The following CFHR4 variants were observed in gnomAD, a reference collection of about 807,000 sequenced individuals.
The protein encoded by CFHR4 is complement factor H related 4.
Under a neutral mutation model 69.3 loss-of-function variants are expected in CFHR4, and 64 were observed. The ratio of observed to expected loss-of-function variants is 0.92; its 90% CI spans 0.76 to 1.14. The LOEUF is 1.14. Among genes scored for constraint, CFHR4 ranks in the 50% most tolerant of loss-of-function variants. The probability of loss-of-function intolerance (pLI) is 0.00; values close to 1 mark genes in which losing one functional copy is unlikely to be tolerated. For synonymous variants in CFHR4, 244 were observed against 237.0 expected (o/e 1.03, Z -0.27); for missense variants, 636 against 684.9 (o/e 0.93, Z 0.80).
Position 196,907,370 on chromosome 1 carries a change from C to G in CFHR4, c.671C>G (p.Ser224Cys), listed in dbSNP as rs749330475. The G allele has an allele frequency of 6.2e-7, 1 of 1,611,974 alleles. No homozygotes were observed. Among genetic ancestry groups the G allele is most frequent in the Admixed American group, 1.7e-5 (1 of 59,858 alleles). The change falls in exon 5 of 10, where the codon TCC becomes TGC. Residue 224 changes from serine to cysteine, a missense_variant. Physicochemically the swap from Ser to Cys is moderately radical, Grantham distance 112. Transcript: ENST00000608469. Reference protein sequence around the residue: ...PPPISNGDTTSFPQKVYLPWS... With the variant: ...PPPISNGDTTCFPQKVYLPWS... ...CCTATTAGCAATGGAGATACCACGT[C>G]CTTCCCGCAAAAAGTGTATCTGCCA... is the stretch of plus-strand genomic sequence containing the variant.
intron 1 of CFHR4, among the ~76,000 whole-genome samples, chr1:196,901,068 A>G (rs113211806): frequency 7.9e-5 from 12 of 151,608 alleles, no homozygotes; most frequent in African/African-American, 2.7e-4. Flanking sequence ...AAGACAAATT[A>G]TTCATCTGAC....
intron 6 of CFHR4, 123 bp downstream of exon 6, chr1:196,910,601 C>CA (rs1415160556): frequency 2.0e-5 from 14 of 711,762 alleles, no homozygotes; most frequent in Admixed American, 1.4e-4. Context: ...GTTGTTCATG[C>CA]AAAAACACCA....
chr1:196,890,574 T>TA (rs1409829889), intron 1 of CFHR4, among the ~76,000 whole-genome samples: 1 of 151,606 alleles, frequency 6.6e-6, no homozygotes, highest in Non-Finnish European at 1.5e-5. Context: ...TAAAATTGTA[T>TA]AAATATTTCA....
chr1:196,898,747 C>T (rs1283780708), intron 1 of CFHR4, among the ~76,000 whole-genome samples: 1 of 151,510 alleles, frequency 6.6e-6, no homozygotes, highest in Non-Finnish European at 1.5e-5. Context: ...GTCAGATGCT[C>T]TCCTGTGTCG....
intron 9 of CFHR4, among the ~76,000 whole-genome samples, chr1:196,915,512 G>A (rs1658556114): frequency 6.6e-6 from 1 of 151,372 alleles, no homozygotes; most frequent in Admixed American, 6.6e-5. Context: ...GCATATGCCT[G>A]TAATCCTAGC....
chr1:196,902,205 T>C (rs1191104604), intron 1 of CFHR4, among the ~76,000 whole-genome samples: 1 of 151,208 alleles, frequency 6.6e-6, no homozygotes, highest in Non-Finnish European at 1.5e-5. Flanking sequence ...TCATGGAGGG[T>C]ACATTAAATA....
At chr1:196,915,706 G>GA (rs1185509622) in intron 9 of CFHR4, among the ~76,000 whole-genome samples, 3 of 151,258 alleles carry the variant, frequency 2.0e-5, no homozygotes, top group East Asian at 1.9e-4. Flanking sequence ...AAGAGAAAAA[G>GA]AAAAAACCAA....
At chr1:196,902,911 G>A (rs1657701295) in intron 2 of CFHR4, among the ~76,000 whole-genome samples, 2 of 151,282 alleles carry the variant, frequency 1.3e-5, no homozygotes, top group Admixed American at 1.3e-4. Context: ...AGTAGCTTTA[G>A]TTTTTCTTGA....
intron 1 of CFHR4, among the ~76,000 whole-genome samples, chr1:196,902,173 A>G (rs1390140105): frequency 6.6e-6 from 1 of 151,458 alleles, no homozygotes; most frequent in Non-Finnish European, 1.5e-5. Context: ...TCACTAATCA[A>G]CCAGGGCTAC....
intron 1 of CFHR4, among the ~76,000 whole-genome samples, chr1:196,893,619 A>G (rs1657142993): frequency 6.6e-6 from 1 of 151,538 alleles, no homozygotes; most frequent in South Asian, 2.1e-4. Context: ...TCACTACACA[A>G]TTGAGCGATC....
chr1:196,894,398 G>T (rs1007832024), intron 1 of CFHR4, among the ~76,000 whole-genome samples: 4 of 151,292 alleles, frequency 2.6e-5, no homozygotes, highest in Non-Finnish European at 2.9e-5. Flanking sequence ...CTTTATTGAG[G>T]TCATTATTTC....
At chr1:196,908,673 T>G (rs558588439) in intron 5 of CFHR4, among the ~76,000 whole-genome samples, 1 of 151,456 alleles carries the variant, frequency 6.6e-6, no homozygotes, top group South Asian at 2.1e-4. Context: ...AAAGAAAACC[T>G]AAAAGAAAAT....
intron 1 of CFHR4, among the ~76,000 whole-genome samples, chr1:196,894,963 A>G (rs1472550970): frequency 6.6e-6 from 1 of 151,390 alleles, no homozygotes; most frequent in Non-Finnish European, 1.5e-5. Flanking sequence ...AAGAGGCTGA[A>G]GTGGAAGGAT....
chr1:196,896,577 C>T (rs1430817210), intron 1 of CFHR4, among the ~76,000 whole-genome samples: 1 of 151,660 alleles, frequency 6.6e-6, no homozygotes, highest in African/African-American at 2.4e-5. Flanking sequence ...CTCCCCGCTG[C>T]TATGTGCAGG....
intron 2 of CFHR4, among the ~76,000 whole-genome samples, chr1:196,904,083 G>T (rs1432638718): frequency 6.6e-6 from 1 of 151,584 alleles, no homozygotes; most frequent in Non-Finnish European, 1.5e-5. Flanking sequence ...ATTCATAGAA[G>T]CACTGCCCTC....
intron 1 of CFHR4, among the ~76,000 whole-genome samples, chr1:196,888,532 A>G (rs969957418): frequency 1.3e-5 from 2 of 151,378 alleles, no homozygotes; most frequent in African/African-American, 4.9e-5. Context: ...TAACCTTAAA[A>G]TGTTCAGAAT....
chr1:196,916,264 A>G (rs532871613), intron 9 of CFHR4, among the ~76,000 whole-genome samples: 1 of 151,764 alleles, frequency 6.6e-6, no homozygotes, highest in South Asian at 2.1e-4. Context: ...ACTTGCCACA[A>G]GTTTCTACTA....
At position 196,900,856 on chromosome 1, in the gene CFHR4, C is replaced by CA. The variant is rs1657565288; in HGVS notation, c.59-1558dup. Among the ~76,000 whole-genome samples, 3 of 151,124 alleles carry CA rather than the reference C, an allele frequency of 2.0e-5. No homozygotes were observed. In the East Asian group the frequency reaches 5.8e-4, roughly 29 times the overall value. ...CTTTGGAAGTTCAAAAAATGGGGGG[C>CA]AAAATCTATCAACAATGAGAGATAT... On this transcript the variant is annotated intron_variant, in intron 1 of 9. Transcript: ENST00000608469.
chr1:196,916,870 G>A (rs1266349703), intron 9 of CFHR4, among the ~76,000 whole-genome samples: 165 of 151,426 alleles, frequency 1.1e-3, no homozygotes, highest in African/African-American at 3.8e-3. Context: ...AAGAAGCAAA[G>A]AGCATTCAAG....
Sources: allele counts gnomAD v4.1 joint callset (sites outside exome capture counted in the v4.1 genomes callset), GRCh38; gene constraint gnomAD v4.1.1; transcripts MANE v1.5; gene names NCBI Gene and HGNC (gene_info 2026-07-23, HGNC 2026-07-21).